The following PCDH20 variants were observed in gnomAD, a reference collection of about 807,000 sequenced individuals.
The protein encoded by PCDH20 is protocadherin-20.
PCDH20 carries 18 observed loss-of-function variants against 39.7 expected under a neutral mutation model. The observed-to-expected ratio is 0.45, with a 90% CI of 0.31 to 0.67. PCDH20 has a LOEUF of 0.67. Among genes scored for constraint, PCDH20 ranks in the 30% least tolerant of loss-of-function variants. The pLI is 0.05. For missense variants in PCDH20, 1,161 were observed against 1,167.4 expected, an observed-to-expected ratio of 0.99 and a Z score of 0.08; for synonymous variants, 495 against 455.4, an observed-to-expected ratio of 1.09 and a Z score of -1.11.
At chr13:61,412,067 C>T in exon 2 of PCDH20, 1 of 1,614,172 alleles carries the variant, frequency 6.2e-7, no homozygotes, top group Non-Finnish European at 8.5e-7. Context: ...TGGTTCACCA[C>T]AGAGAGGGCG....
exon 1 of PCDH20, chr13:61,415,194 G>C: frequency 1.5e-6 from 2 of 1,352,340 alleles, no homozygotes. Flanking sequence ...CTCTTGAAGG[G>C]AGGGCGGCAG....
chr13:61,411,703 G>C (rs1324703195), exon 2 of PCDH20: 1 of 1,613,974 alleles, frequency 6.2e-7, no homozygotes, highest in East Asian at 2.2e-5. Context: ...GCCAGTTTTA[G>C]GGTCAATCCT....
chr13:61,411,393 T>C (rs773587180), exon 2 of PCDH20: 1 of 1,614,110 alleles, frequency 6.2e-7, no homozygotes, highest in Non-Finnish European at 8.5e-7. Context: ...CTGTGACCAG[T>C]GTGATGGAAC....
At chr13:61,412,928 G>C (rs950578079) in exon 2 of PCDH20, 7 of 1,614,178 alleles carry the variant, frequency 4.3e-6, no homozygotes, top group Non-Finnish European at 5.9e-6. Context: ...TGGGACTCCA[G>C]AACACTTCCT....
At chr13:61,410,112 C>T (rs891649003) in exon 2 of PCDH20, 8 of 152,038 alleles carry the variant, frequency 5.3e-5, no homozygotes, top group Non-Finnish European at 1.0e-4. Flanking sequence ...AAATCTGCTG[C>T]AGGGCTTACA....
At chr13:61,413,686 C>G (rs1216730898) in exon 2 of PCDH20, 1 of 1,614,004 alleles carries the variant, frequency 6.2e-7, no homozygotes, top group Admixed American at 1.7e-5. Flanking sequence ...GTGCAGCTCC[C>G]CAGAGCGGTT....
At chr13:61,411,286 A>G (rs762083383) in exon 2 of PCDH20, 2 of 1,614,002 alleles carry the variant, frequency 1.2e-6, no homozygotes, top group Admixed American at 3.3e-5. Flanking sequence ...TCGCATATGC[A>G]AGTCAATTTT....
At chr13:61,415,128 G>T in exon 1 of PCDH20, 1 of 1,512,270 alleles carries the variant, frequency 6.6e-7, no homozygotes, top group Non-Finnish European at 8.9e-7. Context: ...CCCAGGGCCT[G>T]TGAGCTGCGC....
chr13:61,414,877 A>T, intron 1 of PCDH20, 150 bp downstream of exon 1: 2 of 944,420 alleles, frequency 2.1e-6, no homozygotes, highest in Admixed American at 8.4e-5. Flanking sequence ...AAAGGAAGAC[A>T]CATTATCCCA....
exon 2 of PCDH20, chr13:61,413,508 GATCTTC>G (rs1566223351): frequency 6.2e-7 from 1 of 1,613,880 alleles, no homozygotes; most frequent in South Asian, 1.1e-5. Flanking sequence ...CTCTGATGGC[GATCTTC>G]ACCTTCACAA....
chr13:61,413,807 T>C (rs772558165), exon 2 of PCDH20: 6 of 1,613,050 alleles, frequency 3.7e-6, no homozygotes, highest in Middle Eastern at 1.6e-4. Context: ...GGGTCCGGCC[T>C]CCCTGCAGAC....
exon 2 of PCDH20, chr13:61,413,806 C>G: frequency 6.2e-7 from 1 of 1,613,242 alleles, no homozygotes; most frequent in South Asian, 1.1e-5. Flanking sequence ...CGGGTCCGGC[C>G]TCCCTGCAGA....
Position 61,411,579 on chromosome 13 carries a change from G to A in PCDH20, c.2520C>T (p.Asn840=), listed in dbSNP as rs1472003312. The stretch of plus-strand genomic sequence containing the variant: ...TACTGACAGTGTCATTGACAAATAG[G>A]TTCACCATGACTGTGGAGTGGAGAG... Residue 840 remains asparagine (N), a synonymous_variant, in exon 2 of 2, where the codon AAC becomes AAT. Coordinates refer to ENST00000409204, the Ensembl canonical transcript of PCDH20. 8 of 1,614,082 alleles carry A rather than the reference G, an allele frequency of 5.0e-6. No homozygotes were observed. In the East Asian group the frequency reaches 6.7e-5, roughly 13 times the overall value.
chr13:61,413,922 G>A, exon 2 of PCDH20: 5 of 1,613,034 alleles, frequency 3.1e-6, no homozygotes, highest in South Asian at 1.1e-5. Context: ...TGTAACTCCC[G>A]AGGCAGCTGA....
exon 2 of PCDH20, chr13:61,410,754 G>C (rs1878228360): frequency 6.6e-6 from 1 of 152,404 alleles, no homozygotes; most frequent in African/African-American, 2.4e-5. Flanking sequence ...TTTAAATAGG[G>C]TGAAATTTAA....
At chr13:61,411,850 G>T (rs1400830598) in exon 2 of PCDH20, 1 of 1,614,136 alleles carries the variant, frequency 6.2e-7, no homozygotes, top group Non-Finnish European at 8.5e-7. Context: ...TAACAGATAA[G>T]ACATATTAGA....
At chr13:61,413,919 C>T (rs765538535) in exon 2 of PCDH20, 24 of 1,612,910 alleles carry the variant, frequency 1.5e-5, no homozygotes, top group Non-Finnish European at 2.0e-5. Context: ...GGCTGTAACT[C>T]CCGAGGCAGC....
exon 2 of PCDH20, chr13:61,412,380 A>G (rs748166087): frequency 6.2e-7 from 1 of 1,614,202 alleles, no homozygotes. Flanking sequence ...CAGGTCCCAG[A>G]AAATATGAAA....
chr13:61,410,215 T>C (rs1593782818), exon 2 of PCDH20: 1 of 152,076 alleles, frequency 6.6e-6, no homozygotes, highest in African/African-American at 2.4e-5. Flanking sequence ...AAGTACAGTA[T>C]AACTTTCATA....
Sources: allele counts gnomAD v4.1 joint callset, GRCh38; gene constraint gnomAD v4.1.1; transcripts MANE v1.5; gene names NCBI Gene and HGNC (gene_info 2026-07-23, HGNC 2026-07-21).